The following CUL9 variants were observed in gnomAD, a reference collection of about 807,000 sequenced individuals.
CUL9 encodes cullin-9.
CUL9 carries 79 observed loss-of-function variants against 272.6 expected under a neutral mutation model. The observed-to-expected ratio is 0.29, with a 90% CI of 0.24 to 0.35. The LOEUF (loss-of-function observed/expected upper bound fraction) is 0.35, where lower values mean the gene tolerates loss of function less well. CUL9 is among the 10% of genes least tolerant of loss of function. The pLI is 1.00. For synonymous variants in CUL9, 1,186 were observed against 1,286.5 expected (o/e 0.92, Z 1.67); for missense variants, 2,532 against 3,255.6 (o/e 0.78, Z 5.41).
rs552826675 is a variant in CUL9 at position 43,220,991 on chromosome 6, C to T, written c.6588+80C>T. On this transcript the variant is annotated intron_variant, in intron 33 of 40. Transcript: ENST00000252050. The surrounding 1 kb of genome is among the most constrained non-coding windows in gnomAD (Gnocchi z 4.9). ...CTTAATATCCCCACCCCGCCACACA[C>T]ACAGACTGTGACTTGTCCTTCCTCA... The T allele has an allele frequency of 6.7e-7, 1 of 1,491,582 alleles. No individual in the cohort carries two copies. The highest frequency in any genetic ancestry group is 9.0e-7 in the Non-Finnish European group (1 of 1,112,884). 92.4% of individuals were successfully genotyped at this position (1,491,582 alleles called of 1,614,324 possible). A position where few individuals can be genotyped will look rare whatever the true frequency, so the allele number is the denominator to read the frequency against.
rs138491396 is a variant in CUL9 at position 43,188,000 on chromosome 6, C to G, written c.1869C>G (p.Ala623=). ...KAKAEAPKTE[A]EPTKTRTETP... The stretch of plus-strand genomic sequence containing the variant: ...AGGCCGAGGCCCCTAAGACAGAGGC[C>G]GAGCCCACCAAGACAAGGACCGAGA... Residue 623 remains alanine, a synonymous_variant, in exon 7 of 41, where the codon GCC becomes GCG. Coordinates refer to ENST00000252050, the MANE Select transcript of CUL9 (RefSeq NM_015089.4). 1 of 1,613,734 alleles carries G rather than the reference C, an allele frequency of 6.2e-7. No individual in the cohort carries two copies. The highest frequency in any genetic ancestry group is 1.3e-5 in the African/African-American group (1 of 74,878).
At chr6:43,198,992 A>G in intron 12 of CUL9, 137 bp downstream of exon 12, 2 of 1,185,466 alleles carry the variant, frequency 1.7e-6, no homozygotes, top group Admixed American at 2.8e-5. Context: ...GCTGGAGTGC[A>G]ATGGCACGAT....
intron 26 of CUL9, among the ~76,000 whole-genome samples, chr6:43,208,337 C>T (rs1326230637): frequency 6.6e-6 from 1 of 152,186 alleles, no homozygotes; most frequent in Non-Finnish European, 1.5e-5. Flanking sequence ...TCCCGATTAG[C>T]TGGGATTACA....
intron 26 of CUL9, among the ~76,000 whole-genome samples, chr6:43,208,803 C>G (rs1775239386): frequency 6.6e-6 from 1 of 152,098 alleles, no homozygotes; most frequent in Admixed American, 6.6e-5. Context: ...TCTAGCGTAA[C>G]ATTTGCCATT....
At chr6:43,191,887 C>T (rs1239773251) in intron 8 of CUL9, among the ~76,000 whole-genome samples, 1 of 150,984 alleles carries the variant, frequency 6.6e-6, no homozygotes, top group Non-Finnish European at 1.5e-5. Context: ...GCCCAGACAA[C>T]ATTATATTTT....
chr6:43,193,916 A>G (rs1458550171), intron 9 of CUL9, among the ~76,000 whole-genome samples: 1 of 152,242 alleles, frequency 6.6e-6, no homozygotes, highest in African/African-American at 2.4e-5. Flanking sequence ...CCATTAAACC[A>G]AAAGTATTTT....
At position 43,206,353 on chromosome 6, in the gene CUL9, A is replaced by G. The variant is rs1187607176; in HGVS notation, c.5055A>G (p.Glu1685=). 4 of 1,614,122 alleles carry G rather than the reference A, an allele frequency of 2.5e-6. No individual in the cohort carries two copies. The East Asian group carries it at 6.7e-5, about 27-fold the overall frequency. ...EEEEEEEAEK[E]LFIEDPSPAI... is the part of the protein sequence containing the mutation. ...AGGAGGAAGAGGAAGCTGAGAAAGA[A>G]TTATTTATCGAAGATCCAAGTCCAG... Residue 1685 remains glutamate (E), a synonymous_variant, in exon 26 of 41, where the codon GAA becomes GAG. Transcript: ENST00000252050. This position sits in a 1 kb window ranked among gnomAD's most constrained non-coding sequence, Gnocchi z 4.8.
At chr6:43,187,691 C>T (rs775742498) in intron 6 of CUL9, 22 bp from the exon 7 acceptor site, 21 of 1,607,690 alleles carry the variant, frequency 1.3e-5, no homozygotes, top group Middle Eastern at 2.2e-4. Flanking sequence ...GTCTCTTAAA[C>T]GTATACCCCT....
chr6:43,196,421 C>A, intron 10 of CUL9, 156 bp downstream of exon 10: 1 of 820,450 alleles, frequency 1.2e-6, no homozygotes, highest in Non-Finnish European at 1.9e-6. Context: ...GAGGAGAACC[C>A]AAGTGGATTG....
In CUL9 at chr6:43,216,459, G is replaced by C; in HGVS notation, c.6238G>C (p.Asp2080His). The part of the protein sequence containing the change: ...CPVCVSPLGC[D>H]DDLPSLCCMH... ...CGTCTGTGTGAGCCCCCTGGGGTGT[G>C]ACGACGACCTGCCCTCTCTCTGCTG... The change falls in exon 31 of 41, where the codon GAC becomes CAC. Residue 2080 changes from aspartate (D) to histidine (H), a missense_variant. Physicochemically the swap from Asp to His is moderately conservative, Grantham distance 81. Coordinates refer to ENST00000252050, the MANE Select transcript of CUL9 (RefSeq NM_015089.4). The C allele has an allele frequency of 6.2e-7, 1 of 1,605,024 alleles. No individual in the cohort carries two copies. Among genetic ancestry groups the C allele is most frequent in the South Asian group, 1.1e-5 (1 of 90,878 alleles).
At chr6:43,185,015 A>G (rs1054876232) in intron 2 of CUL9, 110 bp downstream of exon 2, 15 of 848,684 alleles carry the variant, frequency 1.8e-5, no homozygotes, top group Admixed American at 2.9e-5. Flanking sequence ...TTTGGTGAAT[A>G]TCAATTTGAT....
chr6:43,217,371 C>T (rs1338104857), intron 31 of CUL9, among the ~76,000 whole-genome samples: 1 of 152,108 alleles, frequency 6.6e-6, no homozygotes, highest in Non-Finnish European at 1.5e-5. Flanking sequence ...TCTTCTTGCT[C>T]TATAGGCTTG....
At chr6:43,207,152 C>G (rs1775112653) in intron 26 of CUL9, among the ~76,000 whole-genome samples, 1 of 152,170 alleles carries the variant, frequency 6.6e-6, no homozygotes, top group African/African-American at 2.4e-5. Context: ...AACTAGTATT[C>G]AGTAAAGTGC....
At position 43,220,330 on chromosome 6, in the gene CUL9, G is replaced by A; in HGVS notation, c.6283-129G>A. On this transcript the variant is annotated intron_variant, in intron 31 of 40. Coordinates refer to ENST00000252050, the MANE Select transcript of CUL9 (RefSeq NM_015089.4). The surrounding 1 kb of genome is among the most constrained non-coding windows in gnomAD (Gnocchi z 4.9). ...TCAGCATTGGTTGATCTAGAGGCAG[G>A]CTTGTTTCTGGCCTTCCACGTTGTA... 6.5e-6 allele frequency: 7 copies of A among 1,073,810 alleles called. No individual in the cohort carries two copies. The highest frequency in any genetic ancestry group is 8.2e-6 in the Non-Finnish European group (6 of 730,042). The allele number at this position is 1,073,810 out of a possible 1,614,324, so 66.5% of individuals were successfully genotyped here.
At chr6:43,201,289 G>C (rs1164056109) in intron 16 of CUL9, among the ~76,000 whole-genome samples, 1 of 152,192 alleles carries the variant, frequency 6.6e-6, no homozygotes, top group Non-Finnish European at 1.5e-5. Context: ...ACAGGCATGA[G>C]AGCAGACTTC....
intron 3 of CUL9, 100 bp downstream of exon 3, chr6:43,185,710 A>G: frequency 7.2e-7 from 1 of 1,382,214 alleles, no homozygotes; most frequent in Non-Finnish European, 9.7e-7. Context: ...GCCACCTGGG[A>G]ACTTGTTAAC....
Position 43,186,711 on chromosome 6 carries a change from A to G in CUL9, c.1252-249A>G, listed in dbSNP as rs199858342. 2.7e-4 allele frequency among the ~76,000 whole-genome samples: 41 copies of G among 152,264 alleles called. No homozygotes were observed. The East Asian group carries it at 7.1e-3, about 26-fold the overall frequency. On this transcript the variant is annotated intron_variant, in intron 4 of 40. Transcript: ENST00000252050. ...GATAAATGGAGATACCTCCCCACCA[A>G]CACCAGTGGAAGAGGCTAGGAAGGA...
rs756795985 is a variant in CUL9 at position 43,186,272 on chromosome 6, C to T, written c.1068C>T (p.Pro356=). 9.9e-6 allele frequency: 16 copies of T among 1,614,112 alleles called. No individual in the cohort carries two copies. The highest frequency in any genetic ancestry group is 9.3e-6 in the Non-Finnish European group (11 of 1,180,054). The part of the protein sequence containing the change: ...SLLLPTIVTT[P]RRQGWVFRQR... Reference sequence around the variant, plus strand: ...TACTCCCCACCATTGTCACCACCCCCAGAAGACAAGGGTGGGTCTTCCGCC... The same window carrying T: ...TACTCCCCACCATTGTCACCACCCCTAGAAGACAAGGGTGGGTCTTCCGCC... Residue 356 remains proline (P), a synonymous_variant, in exon 4 of 41, where the codon CCC becomes CCT. Transcript: ENST00000252050.
In CUL9 at chr6:43,193,078, G is replaced by A. The variant is rs150241912; in HGVS notation, c.2258G>A (p.Arg753His). ...GEKMVVVQAL[R>H]LLYLLMTKHE... The stretch of plus-strand genomic sequence containing the variant: ...AAGATGGTGGTCGTGCAGGCCCTGC[G>A]CCTCCTTTACCTGCTCATGACCAAG... The change falls in exon 9 of 41, where the codon CGC becomes CAC. Residue 753 changes from arginine (R) to histidine (H), a missense_variant. Transcript: ENST00000252050. 31 of 1,614,130 alleles carry A rather than the reference G, an allele frequency of 1.9e-5. No individual in the cohort carries two copies. The highest frequency in any genetic ancestry group is 1.1e-4 in the East Asian group (5 of 44,908).
Sources: gnomAD v4.1 joint callset for allele counts (sites outside exome capture counted in the v4.1 genomes callset) on GRCh38, gnomAD v4.1.1 for gene constraint, Gnocchi (gnomAD v3.1) non-coding constraint, MANE v1.5 for transcripts, NCBI Gene and HGNC (gene_info 2026-07-23, HGNC 2026-07-21) for gene names.